SPTLC3: variants seen among roughly 807,000 people sequenced by gnomAD.
SPTLC3 encodes the protein serine palmitoyltransferase long chain base subunit 3.
SPTLC3 carries 36 observed loss-of-function variants against 59.3 expected under a neutral mutation model. The ratio of observed to expected loss-of-function variants is 0.61; its 90% CI spans 0.47 to 0.80. The LOEUF (loss-of-function observed/expected upper bound fraction) is 0.80, where lower values mean the gene tolerates loss of function less well. Among genes scored for constraint, SPTLC3 ranks in the 30% least tolerant of loss-of-function variants. The pLI is 0.00. For synonymous variants in SPTLC3, 257 were observed against 240.8 expected, an observed-to-expected ratio of 1.07 and a Z score of -0.62; for missense variants, 625 against 685.1, an observed-to-expected ratio of 0.91 and a Z score of 0.98.
At chr20:13,015,053 C>T (rs1329157413) in intron 1 of SPTLC3, among the ~76,000 whole-genome samples, 1 of 152,080 alleles carries the variant, frequency 6.6e-6, no homozygotes, top group Admixed American at 6.6e-5. Context: ...TACGGTTTCT[C>T]CCAAACTGTG....
chr20:13,086,244 T>C lies in SPTLC3; in HGVS notation c.608-4839T>C, dbSNP rs116006643. Reference sequence around the variant, plus strand: ...ATCAGGGTATGGCCTGAATCAATGTTTGTAGAAAGCAAAGCTTCTAGTGAC... The same window carrying C: ...ATCAGGGTATGGCCTGAATCAATGTCTGTAGAAAGCAAAGCTTCTAGTGAC... On this transcript the variant is annotated intron_variant, in intron 4 of 11. Coordinates refer to ENST00000399002, the MANE Select transcript of SPTLC3 (RefSeq NM_018327.4). 7.6e-3 allele frequency among the ~76,000 whole-genome samples: 1,151 copies of C among 152,320 alleles called. 12 individuals are homozygous for C. The highest frequency in any genetic ancestry group is 0.026 in the African/African-American group (1,073 of 41,572).
chr20:13,060,407 T>TATTTATTA (rs148111674), intron 2 of SPTLC3, among the ~76,000 whole-genome samples: 232 of 151,220 alleles, frequency 1.5e-3, no homozygotes, highest in African/African-American at 2.1e-3. Context: ...TTTATTTATT[T>TATTTATTA]ATTTATTTAT....
intron 4 of SPTLC3, among the ~76,000 whole-genome samples, chr20:13,082,769 G>A (rs1367147814): frequency 6.6e-6 from 1 of 152,176 alleles, no homozygotes; most frequent in Non-Finnish European, 1.5e-5. Flanking sequence ...GTTCACATCA[G>A]CCAAACACCA....
chr20:13,071,139 C>T (rs897857757), intron 2 of SPTLC3, among the ~76,000 whole-genome samples: 1 of 152,206 alleles, frequency 6.6e-6, no homozygotes, highest in African/African-American at 2.4e-5. Context: ...CAAGAATACT[C>T]GCAGGAGAAT....
At chr20:13,088,045 A>C (rs1259898553) in intron 4 of SPTLC3, among the ~76,000 whole-genome samples, 1 of 152,082 alleles carries the variant, frequency 6.6e-6, no homozygotes, top group Non-Finnish European at 1.5e-5. Flanking sequence ...GTAATAGAAG[A>C]CCTAAAGCCA....
chr20:13,037,693 C>T (rs1222798033), intron 1 of SPTLC3, among the ~76,000 whole-genome samples: 1 of 152,078 alleles, frequency 6.6e-6, no homozygotes, highest in Non-Finnish European at 1.5e-5. Context: ...TAAAATGAGT[C>T]TTAGAGATGC....
intron 1 of SPTLC3, among the ~76,000 whole-genome samples, chr20:13,021,976 T>C (rs1985910824): frequency 6.6e-6 from 1 of 152,226 alleles, no homozygotes; most frequent in South Asian, 2.1e-4. Context: ...TAAATGTATA[T>C]GCATAAATAG....
chr20:13,126,571 G>T lies in SPTLC3; in HGVS notation c.1153-20G>T. The stretch of plus-strand genomic sequence containing the variant: ...TGAGATTTATTTGCCTTCTTTTTGG[G>T]TTTCCCCTCTTTATTTAAGGACCTC... On this transcript the variant is annotated intron_variant, in intron 8 of 11. Coordinates refer to ENST00000399002, the MANE Select transcript of SPTLC3 (RefSeq NM_018327.4). 3 of 1,612,128 alleles carry T rather than the reference G, an allele frequency of 1.9e-6. No homozygotes were observed. The highest frequency in any genetic ancestry group is 1.7e-4 in the Middle Eastern group (1 of 6,038).
At position 13,111,346 on chromosome 20, in the gene SPTLC3, C is replaced by T. The variant is rs1990222849; in HGVS notation, c.932+1129C>T. The stretch of plus-strand genomic sequence containing the variant: ...AGACATAGTAGTTCTCCAGGGTGAG[C>T]TTGTCCTTGCCCCAGCCTAGGCACA... On this transcript the variant is annotated intron_variant, in intron 7 of 11. Transcript: ENST00000399002. Among the ~76,000 whole-genome samples the T allele has an allele frequency of 2.0e-5, 3 of 152,146 alleles. No individual in the cohort carries two copies. The South Asian group carries it at 6.2e-4, about 31-fold the overall frequency.
At chr20:13,049,568 T>C (rs1987388679) in intron 2 of SPTLC3, 2 of 158,662 alleles carry the variant, frequency 1.3e-5, no homozygotes, top group African/African-American at 2.4e-5. Context: ...TTTTATTTCA[T>C]CTAAATCTGA....
At position 13,118,449 on chromosome 20, in the gene SPTLC3, G is replaced by GAA. The variant is rs940467763; in HGVS notation, c.1152+733_1152+734dup. Among the ~76,000 whole-genome samples, 27 of 128,166 alleles carry GAA rather than the reference G, an allele frequency of 2.1e-4. 1 individual carries two copies. The highest frequency in any genetic ancestry group is 5.6e-4 in the African/African-American group (18 of 32,252). 84.1% of individuals were successfully genotyped at this position (128,166 alleles called of 152,430 possible). A position where few individuals can be genotyped will look rare whatever the true frequency, so the allele number is the denominator to read the frequency against. On this transcript the variant is annotated intron_variant, in intron 8 of 11. Coordinates refer to ENST00000399002, the MANE Select transcript of SPTLC3 (RefSeq NM_018327.4). ...TGCCAATATCACCAAGAGGTTTGTG[G>GAA]AAAAAAAAAACAAAAAAAAACAATA...
chr20:13,155,555 G>A (rs1314671422), intron 10 of SPTLC3, among the ~76,000 whole-genome samples: 2 of 151,996 alleles, frequency 1.3e-5, no homozygotes, highest in Non-Finnish European at 2.9e-5. Context: ...GGCTGGGCGC[G>A]GTGGCTCATG....
chr20:13,137,189 C>T (rs1057291156), intron 9 of SPTLC3, among the ~76,000 whole-genome samples: 2 of 152,162 alleles, frequency 1.3e-5, no homozygotes, highest in Non-Finnish European at 2.9e-5. Flanking sequence ...AATAGAAATG[C>T]TCCCTAGCAG....
intron 8 of SPTLC3, among the ~76,000 whole-genome samples, chr20:13,121,572 G>A (rs899759547): frequency 5.9e-5 from 9 of 152,098 alleles, no homozygotes; most frequent in Non-Finnish European, 8.8e-5. Flanking sequence ...ACCTCGATAC[G>A]AGGAGACCTC....
At chr20:13,037,505 T>C (rs7346290) in intron 1 of SPTLC3, among the ~76,000 whole-genome samples, 21,358 of 152,162 alleles carry the variant, frequency 0.14, 2,257 homozygotes, top group African/African-American at 0.3. Context: ...CTCATGAAAC[T>C]CAAATTGAGC....
intron 8 of SPTLC3, 59 bp downstream of exon 8, chr20:13,117,784 T>A: frequency 6.9e-7 from 1 of 1,448,312 alleles, no homozygotes; most frequent in Non-Finnish European, 9.4e-7. Flanking sequence ...ATGCCGTGTG[T>A]AGGGCTTCTC....
intron 9 of SPTLC3, among the ~76,000 whole-genome samples, chr20:13,140,408 T>C (rs2038353041): frequency 6.6e-6 from 1 of 152,150 alleles, no homozygotes; most frequent in African/African-American, 2.4e-5. Context: ...GTTCATCACA[T>C]TGGCACCCAG....
intron 8 of SPTLC3, among the ~76,000 whole-genome samples, chr20:13,124,993 G>A (rs985152055): frequency 2.0e-5 from 3 of 152,222 alleles, no homozygotes; most frequent in African/African-American, 7.2e-5. Flanking sequence ...TTATTCTAAA[G>A]AGAAGGCATC....
At chr20:13,063,814 C>T (rs745834310) in intron 2 of SPTLC3, among the ~76,000 whole-genome samples, 5 of 151,530 alleles carry the variant, frequency 3.3e-5, no homozygotes, top group Non-Finnish European at 5.9e-5. Context: ...GCCACCACAC[C>T]CACTTAATTT....
Sources: gnomAD v4.1 joint callset for allele counts (sites outside exome capture counted in the v4.1 genomes callset) on GRCh38, gnomAD v4.1.1 for gene constraint, MANE v1.5 for transcripts, NCBI Gene and HGNC (gene_info 2026-07-23, HGNC 2026-07-21) for gene names.